Variants in ASB7 observed in about 807,000 individuals in gnomAD.
The protein encoded by ASB7 is ankyrin repeat and SOCS box containing 7, also known as ankyrin repeat and SOCS box protein 7.
A neutral mutation model predicts 32.5 loss-of-function variants in ASB7; 4 were observed. The ratio of observed to expected loss-of-function variants is 0.12; its 90% CI spans 0.06 to 0.28. The LOEUF (loss-of-function observed/expected upper bound fraction) is 0.28, where lower values mean the gene tolerates loss of function less well. Among genes scored for constraint, ASB7 ranks in the 10% least tolerant of loss-of-function variants. ASB7 has a pLI of 1.00. For missense variants in ASB7, 181 were observed against 407.1 expected (o/e 0.44, Z 4.78); for synonymous variants, 172 against 155.6 (o/e 1.11, Z -0.78).
chr15:100,604,498 C>T (rs2039621736), intron 2 of ASB7, among the ~76,000 whole-genome samples: 1 of 152,084 alleles, frequency 6.6e-6, no homozygotes, highest in African/African-American at 2.4e-5. Context: ...TTTTGATTTC[C>T]TATGTTCCAC....
Position 100,648,641 on chromosome 15 carries a change from A to G in ASB7, c.*179A>G. The G allele has an allele frequency of 2.0e-6, 1 of 495,148 alleles. No individual in the cohort carries two copies. The allele number at this position is 495,148 out of a possible 1,614,324, so 30.7% of individuals were successfully genotyped here. A position where few individuals can be genotyped will look rare whatever the true frequency, so the allele number is the denominator to read the frequency against. On this transcript the variant is annotated 3_prime_UTR_variant, in exon 6 of 6. Transcript: ENST00000332783. ...TCATTGTAGGGGAGGGATTTTTTAT[A>G]TATATATAAAAACACACACCACATG... is the stretch of plus-strand genomic sequence containing the variant.
chr15:100,647,608 A>G (rs1196013945), intron 5 of ASB7, among the ~76,000 whole-genome samples: 1 of 152,152 alleles, frequency 6.6e-6, no homozygotes, highest in Non-Finnish European at 1.5e-5. Context: ...ACGGGTTTTT[A>G]TTGGCAAGTG....
intron 4 of ASB7, among the ~76,000 whole-genome samples, chr15:100,614,730 A>G (rs952276525): frequency 6.5e-4 from 97 of 148,448 alleles, no homozygotes; most frequent in Admixed American, 2.3e-3. Context: ...ACACTTAACA[A>G]CAGCTGATGA....
At chr15:100,605,264 T>G (rs1028256218) in intron 2 of ASB7, among the ~76,000 whole-genome samples, 3 of 152,230 alleles carry the variant, frequency 2.0e-5, no homozygotes, top group African/African-American at 7.2e-5. Flanking sequence ...ATTTGGGTAT[T>G]TATTTACCAA....
At chr15:100,642,116 G>A (rs765647437) in intron 5 of ASB7, among the ~76,000 whole-genome samples, 1 of 152,168 alleles carries the variant, frequency 6.6e-6, no homozygotes, top group Non-Finnish European at 1.5e-5. Context: ...TAAAGGAAAA[G>A]AAAAATTAGT....
intron 4 of ASB7, among the ~76,000 whole-genome samples, chr15:100,626,651 GTCTC>G (rs988931727): frequency 3.6e-4 from 55 of 151,982 alleles, no homozygotes; most frequent in African/African-American, 1.2e-3. Context: ...CTCTCTGTCT[GTCTC>G]TCTCTCATAT....
Position 100,603,232 on chromosome 15 carries a change from A to C in ASB7, c.-255A>C. The C allele has an allele frequency of 2.7e-6, 1 of 375,584 alleles. No individual in the cohort carries two copies. Among genetic ancestry groups the C allele is most frequent in the East Asian group, 3.9e-5 (1 of 25,832 alleles). The allele number at this position is 375,584 out of a possible 1,614,324, so 23.3% of individuals were successfully genotyped here. On this transcript the variant is annotated 5_prime_UTR_variant, in exon 2 of 6. Transcript: ENST00000332783. ...TTTTCTAGGTTTGAGCTGGCTGAAGAAGACGCGAAAGCAGGAAGAGGTCTG... is the reference window on the plus strand; with the variant it reads ...TTTTCTAGGTTTGAGCTGGCTGAAGCAGACGCGAAAGCAGGAAGAGGTCTG...
At position 100,649,982 on chromosome 15, in the gene ASB7, A is replaced by G. The variant is rs1427433438; in HGVS notation, c.*1520A>G. 1.3e-5 allele frequency: 2 copies of G among 152,252 alleles called. No individual in the cohort carries two copies. The highest frequency in any genetic ancestry group is 4.8e-5 in the African/African-American group (2 of 41,464). 9.4% of individuals were successfully genotyped at this position (152,252 alleles called of 1,614,324 possible). A position where few individuals can be genotyped will look rare whatever the true frequency, so the allele number is the denominator to read the frequency against. ...AGAAGTGTAACTAAGCAGAACTAGG[A>G]GTTTTCTCTGGCTTCACCTTTTTCA... is the stretch of plus-strand genomic sequence containing the variant. On this transcript the variant is annotated 3_prime_UTR_variant, in exon 6 of 6. Transcript: ENST00000332783.
intron 5 of ASB7, among the ~76,000 whole-genome samples, chr15:100,643,477 C>CTTTTTTTTT (rs1172063471): frequency 1.9e-5 from 2 of 104,378 alleles, no homozygotes; most frequent in African/African-American, 3.9e-5. Context: ...GTCCCTTCTT[C>CTTTTTTTTT]TTTTTTTTTT....
At chr15:100,631,075 T>G (rs1013904096) in intron 5 of ASB7, among the ~76,000 whole-genome samples, 3 of 152,212 alleles carry the variant, frequency 2.0e-5, no homozygotes, top group African/African-American at 4.8e-5. Context: ...AAACAAAATG[T>G]AATTTGAATT....
intron 4 of ASB7, among the ~76,000 whole-genome samples, chr15:100,618,304 G>A (rs940077098): frequency 2.6e-5 from 4 of 151,830 alleles, no homozygotes; most frequent in Non-Finnish European, 2.9e-5. Context: ...TAGTAGAGAC[G>A]GGGTTTCACC....
At chr15:100,633,685 AG>A (rs2039901663) in intron 5 of ASB7, among the ~76,000 whole-genome samples, 1 of 150,394 alleles carries the variant, frequency 6.6e-6, no homozygotes, top group African/African-American at 2.4e-5. Context: ...GGAAGGAAGG[AG>A]GGGAAGGAAG....
intron 2 of ASB7, among the ~76,000 whole-genome samples, chr15:100,604,249 G>C (rs995853177): frequency 3.3e-5 from 5 of 152,212 alleles, no homozygotes; most frequent in African/African-American, 1.2e-4. Context: ...GCCATATTTT[G>C]TTGCTGCTTC....
chr15:100,642,157 T>G (rs2039966053), intron 5 of ASB7, among the ~76,000 whole-genome samples: 1 of 152,244 alleles, frequency 6.6e-6, no homozygotes, highest in Middle Eastern at 3.2e-3. Context: ...GACTAGAGCA[T>G]TTCAACAAAT....
At chr15:100,614,291 AAGAAAG>A (rs1165654627) in intron 4 of ASB7, among the ~76,000 whole-genome samples, 2 of 151,084 alleles carry the variant, frequency 1.3e-5, no homozygotes, top group Non-Finnish European at 2.9e-5. Context: ...AAAAAAAAGA[AAGAAAG>A]AAAGAAAGAA....
rs184633514 is a variant in ASB7 at position 100,645,883 on chromosome 15, C to T, written c.818-2440C>T. ...GCTGCAGATTTCTTCAGCATCTGACCACAGCACTGAGGAGATTGCTTCCTT... is the reference window on the plus strand; with the variant it reads ...GCTGCAGATTTCTTCAGCATCTGACTACAGCACTGAGGAGATTGCTTCCTT... On this transcript the variant is annotated intron_variant, in intron 5 of 5. Coordinates refer to ENST00000332783, the MANE Select transcript of ASB7 (RefSeq NM_198243.3). 9.1e-5 allele frequency: 72 copies of T among 791,342 alleles called. No individual in the cohort carries two copies. The Middle Eastern group carries it at 1.7e-3, about 18-fold the overall frequency. 49.0% of individuals were successfully genotyped at this position (791,342 alleles called of 1,614,324 possible).
At chr15:100,635,621 G>T (rs1274885696) in intron 5 of ASB7, among the ~76,000 whole-genome samples, 1 of 152,164 alleles carries the variant, frequency 6.6e-6, no homozygotes, top group East Asian at 1.9e-4. Flanking sequence ...GGTGCATCCT[G>T]CAGCTTTCTC....
At chr15:100,630,206 T>C in intron 5 of ASB7, 164 bp downstream of exon 5, 1 of 1,340,974 alleles carries the variant, frequency 7.5e-7, no homozygotes, top group Non-Finnish European at 9.6e-7. Context: ...AAACTTTGAC[T>C]GTATCACAAG....
At chr15:100,634,447 C>T (rs1233595855) in intron 5 of ASB7, among the ~76,000 whole-genome samples, 1 of 152,156 alleles carries the variant, frequency 6.6e-6, no homozygotes, top group Non-Finnish European at 1.5e-5. Flanking sequence ...AAATTATAGA[C>T]CTGGCAAGGT....
Sources: gnomAD v4.1 joint callset for allele counts (sites outside exome capture counted in the v4.1 genomes callset) on GRCh38, gnomAD v4.1.1 for gene constraint, MANE v1.5 for transcripts, NCBI Gene and HGNC (gene_info 2026-07-23, HGNC 2026-07-21) for gene names.